The following GRK7 variants were observed in gnomAD, a reference collection of about 807,000 sequenced individuals.
GRK7 encodes the protein G protein-coupled receptor kinase 7.
In GRK7, 24 loss-of-function variants were observed where a neutral mutation model predicts 34.1. The observed-to-expected ratio is 0.70, with a 90% CI of 0.51 to 0.99. GRK7 has a LOEUF of 0.99. Ranked by LOEUF, GRK7 falls within the 50% of genes least tolerant of loss-of-function variation. The pLI, the probability that GRK7 is intolerant of heterozygous loss-of-function variation, is 0.00. For synonymous variants in GRK7, 256 were observed against 279.4 expected (o/e 0.92, Z 0.84); for missense variants, 644 against 707.3 (o/e 0.91, Z 1.02).
chr3:141,781,987 A>G (rs1323824453), intron 4 of GRK7, among the ~76,000 whole-genome samples: 1 of 152,160 alleles, frequency 6.6e-6, no homozygotes, highest in Non-Finnish European at 1.5e-5. Context: ...GAAATGAGAA[A>G]AATCATGGCA....
intron 2 of GRK7, among the ~76,000 whole-genome samples, chr3:141,776,042 T>G (rs2107875109): frequency 6.6e-6 from 1 of 152,172 alleles, no homozygotes; most frequent in African/African-American, 2.4e-5. Context: ...CCCAGCACTT[T>G]GGGAGGCCGA....
chr3:141,772,004 C>CAAA (rs1303550959), intron 1 of GRK7, among the ~76,000 whole-genome samples: 1 of 151,826 alleles, frequency 6.6e-6, no homozygotes, highest in Non-Finnish European at 1.5e-5. Context: ...TATTTTTAAA[C>CAAA]AACAACAACA....
intron 1 of GRK7, among the ~76,000 whole-genome samples, chr3:141,773,770 T>A (rs1249047862): frequency 6.6e-6 from 1 of 152,370 alleles, no homozygotes; most frequent in African/African-American, 2.4e-5. Context: ...GCCAGGCATT[T>A]GGCATTTAAT....
rs181875660 is a variant in GRK7 at position 141,772,938 on chromosome 3, C to A, written c.-214-1642C>A. 2.1e-3 allele frequency among the ~76,000 whole-genome samples: 326 copies of A among 152,066 alleles called. 5 individuals carry two copies. The highest frequency in any genetic ancestry group is 0.02 in the Admixed American group (298 of 15,264). The stretch of plus-strand genomic sequence containing the variant: ...ACTTGAGGTTAGGAGGAGTTCAAGA[C>A]CAGCCTAGCCAACAAGGTGAGACCC... On this transcript the variant is annotated intron_variant, in intron 1 of 5. Coordinates refer to ENST00000682958, the MANE Select transcript of GRK7 (RefSeq NM_139209.3).
intron 4 of GRK7, among the ~76,000 whole-genome samples, chr3:141,798,828 G>T (rs771768552): frequency 1.3e-5 from 2 of 152,190 alleles, no homozygotes; most frequent in Admixed American, 1.3e-4. Flanking sequence ...AAATACCTCC[G>T]CTCTTCAAGG....
Position 141,778,961 on chromosome 3 carries a change from C to T in GRK7, c.612+65C>T, listed in dbSNP as rs946779116. On this transcript the variant is annotated intron_variant, in intron 3 of 5. Coordinates refer to ENST00000682958, the MANE Select transcript of GRK7 (RefSeq NM_139209.3). This position sits in a 1 kb window ranked among gnomAD's most constrained non-coding sequence, Gnocchi z 4.1. ...AGAGCATGAAAGGGGGTAATGTTGC[C>T]TTTCTTTTTTTAAATCTCAGTTACT... 1 of 1,455,684 alleles carries T rather than the reference C, an allele frequency of 6.9e-7. No homozygotes were observed. The highest frequency in any genetic ancestry group is 1.4e-5 in the African/African-American group (1 of 70,218). 90.2% of individuals were successfully genotyped at this position (1,455,684 alleles called of 1,614,324 possible).
At chr3:141,781,636 T>A (rs754894281) in intron 4 of GRK7, among the ~76,000 whole-genome samples, 2 of 151,810 alleles carry the variant, frequency 1.3e-5, no homozygotes, top group Non-Finnish European at 2.9e-5. Flanking sequence ...AAGTAAAATA[T>A]CTCCTTTCCT....
At chr3:141,800,950 AATC>A (rs769065261) in intron 4 of GRK7, among the ~76,000 whole-genome samples, 3 of 152,228 alleles carry the variant, frequency 2.0e-5, no homozygotes, top group Admixed American at 1.3e-4. Context: ...GTATCAATAA[AATC>A]ATATTGGCAA....
chr3:141,795,914 G>C (rs955996764), intron 4 of GRK7, among the ~76,000 whole-genome samples: 1 of 152,182 alleles, frequency 6.6e-6, no homozygotes, highest in Non-Finnish European at 1.5e-5. Context: ...AATAAGGAGA[G>C]GCTGGGCCAG....
At position 141,818,324 on chromosome 3, in the gene GRK7, T is replaced by C. The variant is rs1711174047; in HGVS notation, c.*1274T>C. The C allele has an allele frequency of 6.6e-6, 1 of 152,048 alleles. No homozygotes were observed. Among genetic ancestry groups the C allele is most frequent in the South Asian group, 2.1e-4 (1 of 4,818 alleles). 9.4% of individuals were successfully genotyped at this position (152,048 alleles called of 1,614,324 possible). ...TTGTAAACCCCGTCTCTACTAAAAA[T>C]ACAAAAATTAGCCCGGTGTGGTGGT... On this transcript the variant is annotated 3_prime_UTR_variant, in exon 6 of 6. Transcript: ENST00000682958.
chr3:141,751,441 A>G, the GRK7 span, among the ~76,000 whole-genome samples: 1 of 152,338 alleles, frequency 6.6e-6, no homozygotes, highest in African/African-American at 2.4e-5. Flanking sequence ...TTACAACAGA[A>G]TTGTAAAGTT....
At chr3:141,787,581 C>G (rs938849917) in intron 4 of GRK7, among the ~76,000 whole-genome samples, 1 of 147,200 alleles carries the variant, frequency 6.8e-6, no homozygotes, top group Non-Finnish European at 1.5e-5. Flanking sequence ...GCCAAGATTG[C>G]GCCACTGCAC....
At chr3:141,766,227 G>A (rs1057104815) in intron 1 of GRK7, among the ~76,000 whole-genome samples, 3 of 151,262 alleles carry the variant, frequency 2.0e-5, no homozygotes, top group Non-Finnish European at 2.9e-5. Flanking sequence ...GCAGTGGCGC[G>A]ATCTCAGCTC....
intron 2 of GRK7, among the ~76,000 whole-genome samples, chr3:141,775,447 A>G (rs1226062030): frequency 2.6e-5 from 4 of 152,162 alleles, no homozygotes; most frequent in Admixed American, 6.5e-5. Context: ...ATCTATTTTT[A>G]TTGATTAGAA....
At chr3:141,798,295 T>C (rs1186956107) in intron 4 of GRK7, among the ~76,000 whole-genome samples, 1 of 152,226 alleles carries the variant, frequency 6.6e-6, no homozygotes, top group African/African-American at 2.4e-5. Flanking sequence ...GCACTGGCAC[T>C]GCCAGGCGTG....
chr3:141,812,506 G>A (rs933249355), intron 5 of GRK7, among the ~76,000 whole-genome samples: 4 of 152,220 alleles, frequency 2.6e-5, no homozygotes, highest in African/African-American at 4.8e-5. Context: ...AGATTGGAAA[G>A]CCCAGTCTTC....
the GRK7 span, among the ~76,000 whole-genome samples, chr3:141,753,660 C>G: frequency 6.6e-6 from 1 of 152,188 alleles, no homozygotes; most frequent in African/African-American, 2.4e-5. Flanking sequence ...AGGCCAGGGA[C>G]TGGTACTAGT....
At position 141,778,972 on chromosome 3, in the gene GRK7, T is replaced by A. The variant is rs566449649; in HGVS notation, c.612+76T>A. On this transcript the variant is annotated intron_variant, in intron 3 of 5. Transcript: ENST00000682958. This position sits in a 1 kb window ranked among gnomAD's most constrained non-coding sequence, Gnocchi z 4.1. Reference sequence around the variant, plus strand: ...GGGGGTAATGTTGCCTTTCTTTTTTTAAATCTCAGTTACTTAGAACTAATT... The same window carrying A: ...GGGGGTAATGTTGCCTTTCTTTTTTAAAATCTCAGTTACTTAGAACTAATT... 13 of 1,366,956 alleles carry A rather than the reference T, an allele frequency of 9.5e-6. No homozygotes were observed. The highest frequency in any genetic ancestry group is 9.3e-5 in the Admixed American group (4 of 43,180). 84.7% of individuals were successfully genotyped at this position (1,366,956 alleles called of 1,614,324 possible). A position where few individuals can be genotyped will look rare whatever the true frequency, so the allele number is the denominator to read the frequency against.
At chr3:141,759,400 T>A (rs1427313409), upstream of GRK7, among the ~76,000 whole-genome samples, 1 of 99,048 alleles carries the variant, frequency 1.0e-5, no homozygotes, top group Non-Finnish European at 2.0e-5. Context: ...TTTTTCTGCA[T>A]CTATTGAGAT....
Sources: gnomAD v4.1 joint callset for allele counts (sites outside exome capture counted in the v4.1 genomes callset) on GRCh38, gnomAD v4.1.1 for gene constraint, Gnocchi (gnomAD v3.1) non-coding constraint, MANE v1.5 for transcripts, NCBI Gene and HGNC (gene_info 2026-07-23, HGNC 2026-07-21) for gene names.